The following DCP1A variants were observed in gnomAD, a reference collection of about 807,000 sequenced individuals.
The protein encoded by DCP1A is mRNA-decapping enzyme 1A.
In DCP1A, 20 loss-of-function variants were observed where a neutral mutation model predicts 58.0. That is an observed-to-expected ratio of 0.34 (90% CI 0.24 to 0.50). The LOEUF (loss-of-function observed/expected upper bound fraction) is 0.50. Among genes scored for constraint, DCP1A ranks in the 20% least tolerant of loss-of-function variants. The pLI, the probability that DCP1A is intolerant of heterozygous loss-of-function variation, is 0.98. For synonymous variants in DCP1A, 285 were observed against 275.1 expected (o/e 1.04, Z -0.36); for missense variants, 613 against 712.2 (o/e 0.86, Z 1.59).
chr3:53,304,316 A>T (rs551995678), intron 5 of DCP1A, 26 bp from the exon 6 acceptor site: 3 of 1,550,838 alleles, frequency 1.9e-6, no homozygotes, highest in African/African-American at 2.7e-5. Flanking sequence ...AGAAAAAAAT[A>T]TATCTTGTGA....
intron 3 of DCP1A, among the ~76,000 whole-genome samples, chr3:53,330,982 C>G (rs1460822864): frequency 6.6e-6 from 1 of 151,618 alleles, no homozygotes; most frequent in African/African-American, 2.4e-5. Flanking sequence ...CCTCAGCCTC[C>G]TAAGTAGCTG....
chr3:53,287,794 T>C, intron 9 of DCP1A, 134 bp from the exon 10 acceptor site: 1 of 683,534 alleles, frequency 1.5e-6, no homozygotes, highest in South Asian at 1.9e-5. Flanking sequence ...CCAGAGACAA[T>C]CATGATTAAT....
chr3:53,305,616 C>T (rs1707447708), intron 5 of DCP1A, among the ~76,000 whole-genome samples: 1 of 152,198 alleles, frequency 6.6e-6, no homozygotes, highest in Non-Finnish European at 1.5e-5. Context: ...TCCCAAAGTG[C>T]TGGGGTTACA....
In DCP1A at chr3:53,283,638, C is replaced by T. The variant is rs894004629; in HGVS notation, c.*3942G>A. ...ATCTTGCTGTAATTCCAGAGCTTCT[C>T]GTCCCCATGTTTCAGGGAGCTGAGA... On this transcript the variant is annotated 3_prime_UTR_variant, in exon 10 of 10. Transcript: ENST00000610213. 3.3e-5 allele frequency: 5 copies of T among 152,174 alleles called. No individual in the cohort carries two copies. The highest frequency in any genetic ancestry group is 7.3e-5 in the Non-Finnish European group (5 of 68,046). The allele number at this position is 152,174 out of a possible 1,614,324, so 9.4% of individuals were successfully genotyped here. A position where few individuals can be genotyped will look rare whatever the true frequency, so the allele number is the denominator to read the frequency against.
At chr3:53,289,251 A>AC (rs1334731260) in intron 8 of DCP1A, among the ~76,000 whole-genome samples, 1 of 150,316 alleles carries the variant, frequency 6.7e-6, no homozygotes, top group Non-Finnish European at 1.5e-5. Flanking sequence ...ATGAGCCACC[A>AC]CACCTGGCCT....
chr3:53,337,419 T>A (rs549247343), intron 3 of DCP1A, among the ~76,000 whole-genome samples: 9 of 152,144 alleles, frequency 5.9e-5, no homozygotes, highest in Admixed American at 2.6e-4. Context: ...ATTTGTTGAG[T>A]CTAGAATGGA....
At chr3:53,323,333 T>C (rs1289615896) in intron 3 of DCP1A, among the ~76,000 whole-genome samples, 5 of 152,266 alleles carry the variant, frequency 3.3e-5, no homozygotes, top group African/African-American at 1.2e-4. Context: ...CATTATCTAC[T>C]GCAGGTTCTT....
chr3:53,330,774 A>G (rs2088981036), intron 3 of DCP1A, among the ~76,000 whole-genome samples: 1 of 151,814 alleles, frequency 6.6e-6, no homozygotes, highest in African/African-American at 2.4e-5. Flanking sequence ...ATCCGAGTTA[A>G]TCACGTTGGT....
rs187133505 is a variant in DCP1A, at chr3:53,324,783, G to A, written c.305-5310C>T. 4.7e-4 allele frequency among the ~76,000 whole-genome samples: 72 copies of A among 152,270 alleles called. 1 individual carries two copies. The highest frequency in any genetic ancestry group is 1.1e-3 in the Admixed American group (17 of 15,290). ...TGCCTCTAATCCCAACACTTTGGGAGGCTGAGGCAGGAGGTTCACTTGAGC... is the reference window on the plus strand; with the variant it reads ...TGCCTCTAATCCCAACACTTTGGGAAGCTGAGGCAGGAGGTTCACTTGAGC... On this transcript the variant is annotated intron_variant, in intron 3 of 9. Coordinates refer to ENST00000610213, the MANE Select transcript of DCP1A (RefSeq NM_018403.7).
intron 3 of DCP1A, among the ~76,000 whole-genome samples, chr3:53,336,527 C>A (rs2089118849): frequency 6.6e-6 from 1 of 152,070 alleles, no homozygotes; most frequent in Non-Finnish European, 1.5e-5. Flanking sequence ...GTTGTATAAT[C>A]CTGCTGTTTG....
At chr3:53,310,568 T>C (rs1707615560) in intron 5 of DCP1A, among the ~76,000 whole-genome samples, 1 of 152,224 alleles carries the variant, frequency 6.6e-6, no homozygotes, top group Non-Finnish European at 1.5e-5. Context: ...CAGAACAAAG[T>C]ATGTACGTAG....
intron 4 of DCP1A, among the ~76,000 whole-genome samples, chr3:53,315,581 C>T (rs549929449): frequency 6.7e-6 from 1 of 150,304 alleles, no homozygotes; most frequent in Admixed American, 6.6e-5. Context: ...ACTGGATTTC[C>T]TCTTTAGGAG....
intron 7 of DCP1A, among the ~76,000 whole-genome samples, chr3:53,291,333 CTAAT>C (rs1553685958): frequency 6.6e-6 from 1 of 151,222 alleles, no homozygotes; most frequent in Non-Finnish European, 1.5e-5. Flanking sequence ...GTGTTACAAT[CTAAT>C]TATACCCTTT....
intron 3 of DCP1A, among the ~76,000 whole-genome samples, chr3:53,334,912 G>T (rs192185474): frequency 2.1e-3 from 309 of 146,064 alleles, no homozygotes; most frequent in Admixed American, 6.6e-3. Context: ...TGAATTATTG[G>T]TTTTTTTTTT....
chr3:53,325,364 G>A (rs1330487879), intron 3 of DCP1A, among the ~76,000 whole-genome samples: 2 of 152,196 alleles, frequency 1.3e-5, no homozygotes, highest in East Asian at 3.8e-4. Flanking sequence ...CTTTCTAGAA[G>A]GATCTGAGGA....
chr3:53,295,293 G>A (rs909262602), intron 6 of DCP1A, among the ~76,000 whole-genome samples: 1 of 152,186 alleles, frequency 6.6e-6, no homozygotes, highest in Non-Finnish European at 1.5e-5. Context: ...TCCCACAGTT[G>A]TAAAAAAGTT....
At chr3:53,307,199 T>A (rs1253542740) in intron 5 of DCP1A, among the ~76,000 whole-genome samples, 1 of 152,106 alleles carries the variant, frequency 6.6e-6, no homozygotes, top group African/African-American at 2.4e-5. Flanking sequence ...TCCACCCGCT[T>A]CAGCCTTCCA....
chr3:53,316,945 A>G (rs940912667), intron 4 of DCP1A, among the ~76,000 whole-genome samples: 24 of 152,054 alleles, frequency 1.6e-4, no homozygotes, highest in Admixed American at 9.2e-4. Flanking sequence ...TTCATTTATC[A>G]TTTGAAATCT....
intron 3 of DCP1A, among the ~76,000 whole-genome samples, chr3:53,338,366 T>C (rs2089150516): frequency 2.0e-5 from 3 of 152,152 alleles, no homozygotes; most frequent in South Asian, 4.1e-4. Context: ...GAGAATTGCT[T>C]GAGCCCAGGA....
Sources: gnomAD v4.1 joint callset for allele counts (sites outside exome capture counted in the v4.1 genomes callset) on GRCh38, gnomAD v4.1.1 for gene constraint, MANE v1.5 for transcripts, NCBI Gene and HGNC (gene_info 2026-07-23, HGNC 2026-07-21) for gene names.